The following OTUB1 variants were observed in gnomAD, a reference collection of about 807,000 sequenced individuals.
The protein encoded by OTUB1 is ubiquitin thioesterase OTUB1.
In OTUB1, 10 loss-of-function variants were observed where a neutral mutation model predicts 35.8. That is an observed-to-expected ratio of 0.28 (90% confidence interval 0.17 to 0.47). The LOEUF (loss-of-function observed/expected upper bound fraction) is 0.47, where lower values mean the gene tolerates loss of function less well. OTUB1 is among the 20% of genes least tolerant of loss of function. The pLI is 0.99. For missense variants in OTUB1, 264 were observed against 351.6 expected, an observed-to-expected ratio of 0.75 and a Z score of 1.99; for synonymous variants, 158 against 143.8, an observed-to-expected ratio of 1.10 and a Z score of -0.71.
At chr11:63,996,822 C>G in intron 4 of OTUB1, 35 bp from the exon 5 acceptor site, 1 of 1,613,908 alleles carries the variant, frequency 6.2e-7, no homozygotes, top group Non-Finnish European at 8.5e-7. Flanking sequence ...GGTCGAGGAG[C>G]CCATGCTGGG....
At chr11:63,994,558 C>T (rs1266530531) in intron 3 of OTUB1, among the ~76,000 whole-genome samples, 3 of 152,240 alleles carry the variant, frequency 2.0e-5, no homozygotes, top group African/African-American at 7.2e-5. Flanking sequence ...GCCTCAGTGA[C>T]TGTTTTCTTG....
At chr11:63,988,217 C>A in intron 1 of OTUB1, 120 bp from the exon 2 acceptor site, 2 of 745,956 alleles carry the variant, frequency 2.7e-6, no homozygotes, top group Admixed American at 2.5e-5. Context: ...CTGTAACATA[C>A]CTGCTTCCAG....
At position 63,998,401 on chromosome 11, in the gene OTUB1, ACTG is replaced by A. The variant is rs1165021599; in HGVS notation, c.*863_*865del. The A allele has an allele frequency of 5.7e-6, 1 of 175,108 alleles. No individual in the cohort carries two copies. The highest frequency in any genetic ancestry group is 1.2e-5 in the Non-Finnish European group (1 of 84,506). The allele number at this position is 175,108 out of a possible 1,614,324, so 10.8% of individuals were successfully genotyped here. On this transcript the variant is annotated 3_prime_UTR_variant, in exon 7 of 7. Transcript: ENST00000538426. ...GGGGGCAGGCCCTCAATAAATGTGAACTGCTGCTGCCGCCTCTGCCGTCCGCCT... is the reference window on the plus strand; with the variant it reads ...GGGGGCAGGCCCTCAATAAATGTGAACTGCTGCCGCCTCTGCCGTCCGCCT...
At chr11:63,991,039 C>T (rs1209468086) in intron 3 of OTUB1, among the ~76,000 whole-genome samples, 1 of 152,146 alleles carries the variant, frequency 6.6e-6, no homozygotes, top group Non-Finnish European at 1.5e-5. Flanking sequence ...CTACTGAGGC[C>T]CCCTCCTCAG....
Position 63,988,320 on chromosome 11 carries a change from T to G in OTUB1, c.59-17T>G. 6.4e-7 allele frequency: 1 copy of G among 1,551,062 alleles called. No homozygotes were observed. The highest frequency in any genetic ancestry group is 1.2e-5 in the South Asian group (1 of 84,004). ...GCCAGGACCCCCTGTAATCTTTGGC[T>G]TTTTTCCTTTTCCCAGGTGTTAACT... On this transcript the variant is annotated splice_polypyrimidine_tract_variant and intron_variant, in intron 1 of 6. Transcript: ENST00000538426.
At position 63,996,640 on chromosome 11, in the gene OTUB1, G is replaced by A. The variant is rs376983485; in HGVS notation, c.330G>A (p.Glu110=). ...HLEALLDDSK[E]LQRFKAVSAK... ...AGGCACTGCTGGATGACAGCAAGGA[G>A]TTGCAGCGGTGAGAAGGGTGGGCAC... The change falls in exon 4 of 7, where the codon GAG becomes GAA. Residue 110 remains glutamate, a synonymous_variant. Coordinates refer to ENST00000538426, the MANE Select transcript of OTUB1 (RefSeq NM_017670.3). 1.2e-6 allele frequency: 2 copies of A among 1,614,116 alleles called. No homozygotes were observed. Among genetic ancestry groups the A allele is most frequent in the African/African-American group, 2.7e-5 (2 of 74,956 alleles).
At chr11:63,989,016 G>GAAAAA in intron 3 of OTUB1, 1 of 174,938 alleles carries the variant, frequency 5.7e-6, no homozygotes, top group South Asian at 1.4e-4. Context: ...CTTCATCTCA[G>GAAAAA]AAAAAAAAAA....
chr11:63,987,743 G>C (rs320113), intron 1 of OTUB1, among the ~76,000 whole-genome samples: 25,148 of 152,156 alleles, frequency 0.17, 4,816 homozygotes, highest in African/African-American at 0.47. Context: ...TGAAGGCGGT[G>C]ATGGAGTAAA....
chr11:63,996,898 C>T lies in OTUB1; in HGVS notation c.380C>T (p.Ser127Phe). Residue 127 changes from serine (S) to phenylalanine (F), a missense_variant, in exon 5 of 7, where the codon TCC becomes TTC. By Grantham distance (155) the Ser-to-Phe change is radical (BLOSUM62 -2). This residue lies in a region of OTUB1 where 214 missense variants were observed against 317.1 expected (regional missense o/e 0.67). Coordinates refer to ENST00000538426, the MANE Select transcript of OTUB1 (RefSeq NM_017670.3). Reference sequence around the variant, plus strand: ...GCCAAGAGCAAGGAAGACCTGGTGTCCCAGGGCTTCACTGAATTCACAATT... The same window carrying T: ...GCCAAGAGCAAGGAAGACCTGGTGTTCCAGGGCTTCACTGAATTCACAATT... ...VSAKSKEDLV[S>F]QGFTEFTIED... 1 of 1,614,112 alleles carries T rather than the reference C, an allele frequency of 6.2e-7. No individual in the cohort carries two copies. The highest frequency in any genetic ancestry group is 8.5e-7 in the Non-Finnish European group (1 of 1,179,954).
At chr11:63,989,863 A>C (rs1376360872) in intron 3 of OTUB1, 1 of 151,344 alleles carries the variant, frequency 6.6e-6, no homozygotes, top group African/African-American at 2.4e-5. Context: ...AATACAAAAA[A>C]ATTAGCCAGG....
rs1942718785 is a variant in OTUB1 at position 63,996,559 on chromosome 11, C to T, written c.249C>T (p.Arg83=). 1.2e-6 allele frequency: 2 copies of T among 1,614,234 alleles called. No individual in the cohort carries two copies. Among genetic ancestry groups the T allele is most frequent in the South Asian group, 1.1e-5 (1 of 91,088 alleles). ...TCCACAAAAAGTACTCGTACATCCG[C>T]AAGACCAGGCCTGACGGCAACTGTT... ...KDLHKKYSYI[R]KTRPDGNCFY... is the part of the protein sequence containing the mutation. Residue 83 remains arginine (R), a synonymous_variant, in exon 4 of 7, where the codon CGC becomes CGT. Transcript: ENST00000538426.
At chr11:63,993,881 C>G (rs1942694990) in intron 3 of OTUB1, among the ~76,000 whole-genome samples, 1 of 152,062 alleles carries the variant, frequency 6.6e-6, no homozygotes, top group Admixed American at 6.6e-5. Context: ...GGGTGCGGCA[C>G]TTTGGGAGGC....
At position 63,997,519 on chromosome 11, in the gene OTUB1, T is replaced by C; in HGVS notation, c.789T>C (p.Pro263=). Residue 263 remains proline (P), a synonymous_variant, in exon 7 of 7, where the codon CCT becomes CCC. Coordinates refer to ENST00000538426, the MANE Select transcript of OTUB1 (RefSeq NM_017670.3). Reference sequence around the variant, plus strand: ...CCAAGGTCTACCTTCTCTACCGGCCTGGACACTACGATATCCTCTACAAAT... The same window carrying C: ...CCAAGGTCTACCTTCTCTACCGGCCCGGACACTACGATATCCTCTACAAAT... The part of the protein sequence containing the change: ...SEPKVYLLYR[P]GHYDILYK 1.9e-6 allele frequency: 3 copies of C among 1,614,070 alleles called. No homozygotes were observed. The highest frequency in any genetic ancestry group is 2.2e-5 in the East Asian group (1 of 44,886).
intron 4 of OTUB1, 79 bp from the exon 5 acceptor site, chr11:63,996,778 G>T (rs760091569): frequency 2.4e-5 from 39 of 1,609,454 alleles, no homozygotes; most frequent in Middle Eastern, 1.6e-4. Flanking sequence ...CTTGCCAGGC[G>T]GGGCAGTGCT....
intron 1 of OTUB1, among the ~76,000 whole-genome samples, chr11:63,987,643 G>T (rs1042982714): frequency 5.3e-5 from 8 of 152,250 alleles, no homozygotes; most frequent in African/African-American, 1.7e-4. Flanking sequence ...TTTGCTAGTT[G>T]TGACCTTGAG....
rs1029001836 is a variant in OTUB1 at position 63,998,239 on chromosome 11, C to A, written c.*693C>A. On this transcript the variant is annotated 3_prime_UTR_variant, in exon 7 of 7. Coordinates refer to ENST00000538426, the MANE Select transcript of OTUB1 (RefSeq NM_017670.3). ...TCTCCACCTCCCCATCCGCCCCAGGCCCCCTGCCTGTGCCTGCCTTGCACC... is the reference window on the plus strand; with the variant it reads ...TCTCCACCTCCCCATCCGCCCCAGGACCCCTGCCTGTGCCTGCCTTGCACC... The A allele has an allele frequency of 2.2e-5, 4 of 183,550 alleles. No homozygotes were observed. Among genetic ancestry groups the A allele is most frequent in the Non-Finnish European group, 4.6e-5 (4 of 86,942 alleles). The allele number at this position is 183,550 out of a possible 1,614,324, so 11.4% of individuals were successfully genotyped here.
At chr11:63,987,835 C>T (rs981380779) in intron 1 of OTUB1, among the ~76,000 whole-genome samples, 4 of 152,194 alleles carry the variant, frequency 2.6e-5, no homozygotes, top group African/African-American at 9.7e-5. Context: ...CGCCTGGCCC[C>T]AGAACATTCC....
At chr11:63,988,051 G>T (rs1335678546) in intron 1 of OTUB1, among the ~76,000 whole-genome samples, 1 of 152,196 alleles carries the variant, frequency 6.6e-6, no homozygotes, top group Non-Finnish European at 1.5e-5. Flanking sequence ...GAGGTGGGCG[G>T]ATCACCTGAG....
At chr11:63,990,835 C>A (rs1176362003) in intron 3 of OTUB1, among the ~76,000 whole-genome samples, 1 of 152,106 alleles carries the variant, frequency 6.6e-6, no homozygotes, top group African/African-American at 2.4e-5. Flanking sequence ...CAGCCAGACA[C>A]TAATAGGGAG....
Sources: allele counts gnomAD v4.1 joint callset (sites outside exome capture counted in the v4.1 genomes callset), GRCh38; gene constraint gnomAD v4.1.1; regional missense constraint gnomAD v4.1.1; transcripts MANE v1.5; gene names NCBI Gene and HGNC (gene_info 2026-07-23, HGNC 2026-07-21).